The following RAD51B variants were observed in gnomAD, a reference collection of about 807,000 sequenced individuals.
The protein encoded by RAD51B is DNA repair protein RAD51 homolog 2.
In RAD51B, 38 loss-of-function variants were observed where a neutral mutation model predicts 42.2. The observed-to-expected ratio is 0.90, with a 90% CI of 0.70 to 1.18. RAD51B has a LOEUF of 1.18. Among genes scored for constraint, RAD51B ranks in the 50% most tolerant of loss-of-function variants. The pLI is 0.00. For missense variants in RAD51B, 373 were observed against 400.7 expected (o/e 0.93, Z 0.59); for synonymous variants, 154 against 145.2 (o/e 1.06, Z -0.43).
intron 4 of RAD51B, among the ~76,000 whole-genome samples, chr14:67,857,143 C>T (rs2139964540): frequency 6.6e-6 from 1 of 151,920 alleles, no homozygotes; most frequent in Non-Finnish European, 1.5e-5. Flanking sequence ...TTTTCACCCA[C>T]TAAATAAACC....
chr14:68,153,290 T>C (rs934770346), intron 7 of RAD51B, among the ~76,000 whole-genome samples: 4 of 152,190 alleles, frequency 2.6e-5, no homozygotes, highest in African/African-American at 9.7e-5. Context: ...ATTTTGATAA[T>C]AAGAAATAAA....
chr14:68,385,830 ACTACT>A (rs2083583292), intron 8 of RAD51B, among the ~76,000 whole-genome samples: 2 of 152,234 alleles, frequency 1.3e-5, no homozygotes, highest in Admixed American at 1.3e-4. Flanking sequence ...GTTGTCAGAC[ACTACT>A]CTAGGCATTT....
At chr14:67,896,450 GATC>G (rs1298595464) in intron 7 of RAD51B, among the ~76,000 whole-genome samples, 1 of 152,168 alleles carries the variant, frequency 6.6e-6, no homozygotes, top group Non-Finnish European at 1.5e-5. Flanking sequence ...GAAGAGCTGT[GATC>G]ATCAAGGTGG....
In RAD51B at chr14:68,044,837, C is replaced by T. The variant is rs541963056; in HGVS notation, c.756+157633C>T. Among the ~76,000 whole-genome samples the T allele has an allele frequency of 1.2e-4, 18 of 152,116 alleles. No homozygotes were observed. In the South Asian group the frequency reaches 3.3e-3, roughly 28 times the overall value. ...CCAATGAGAACATTGTCACATTTTA[C>T]ATTTTGCTTGTTACTGAACTGTAAT... On this transcript the variant is annotated intron_variant, in intron 7 of 10. Coordinates refer to ENST00000471583, the MANE Select transcript of RAD51B (RefSeq NM_133510.4).
chr14:68,198,313 C>T (rs989146875), intron 7 of RAD51B, among the ~76,000 whole-genome samples: 9 of 152,150 alleles, frequency 5.9e-5, no homozygotes, highest in African/African-American at 1.9e-4. Context: ...GCTATCTTTA[C>T]ACCACTCCTA....
chr14:68,530,697 A>T (rs1184325825), intron 10 of RAD51B, among the ~76,000 whole-genome samples: 2 of 152,020 alleles, frequency 1.3e-5, no homozygotes, highest in African/African-American at 2.4e-5. Context: ...CAGTTTTAGG[A>T]TTTTTTTAAA....
chr14:68,256,717 C>G (rs898094171), intron 7 of RAD51B, among the ~76,000 whole-genome samples: 2 of 152,154 alleles, frequency 1.3e-5, no homozygotes, highest in Non-Finnish European at 2.9e-5. Flanking sequence ...ACCTCCTTCC[C>G]GAGCCTTTCC....
chr14:68,362,953 TG>T (rs940199948), intron 8 of RAD51B, among the ~76,000 whole-genome samples: 1 of 152,236 alleles, frequency 6.6e-6, no homozygotes, highest in African/African-American at 2.4e-5. Flanking sequence ...CAAATGCCTC[TG>T]GGGTTCTTGC....
chr14:68,537,263 C>T (rs1308316011), intron 10 of RAD51B, among the ~76,000 whole-genome samples: 2 of 152,144 alleles, frequency 1.3e-5, no homozygotes, highest in Non-Finnish European at 2.9e-5. Context: ...TTTTGGGAGG[C>T]CGAGGCGGGC....
chr14:68,134,481 G>T (rs1397855764), intron 7 of RAD51B, among the ~76,000 whole-genome samples: 1 of 152,116 alleles, frequency 6.6e-6, no homozygotes. Context: ...ATCCTGGGTT[G>T]TATAGTAAAT....
Position 68,563,394 on chromosome 14 carries a change from G to GC in RAD51B, c.1037-31085dup, listed in dbSNP as rs559491659. The GC allele has an allele frequency of 7.7e-5, 76 of 985,262 alleles. 1 individual carries two copies. The East Asian group carries it at 2.7e-3, about 35-fold the overall frequency. 61.0% of individuals were successfully genotyped at this position (985,262 alleles called of 1,614,324 possible). ...GCGAGCTGGGTTTTTCTTTCTTCCC[G>GC]CCCCCCAAGTCCAGAGCCCAGTTAT... On this transcript the variant is annotated intron_variant, in intron 10 of 10. Transcript: ENST00000487270.
chr14:68,327,727 TAA>T (rs34100794), intron 8 of RAD51B, among the ~76,000 whole-genome samples: 1 of 151,662 alleles, frequency 6.6e-6, no homozygotes, highest in African/African-American at 2.4e-5. Flanking sequence ...AAGGTATTAT[TAA>T]AAAAAAGTAT....
chr14:68,185,390 A>G (rs1468529947), intron 7 of RAD51B, among the ~76,000 whole-genome samples: 2 of 152,234 alleles, frequency 1.3e-5, no homozygotes, highest in Non-Finnish European at 2.9e-5. Flanking sequence ...TTCCTGCAAG[A>G]GGAAGGAATT....
At chr14:68,368,245 A>T (rs1331916209) in intron 8 of RAD51B, among the ~76,000 whole-genome samples, 1 of 152,184 alleles carries the variant, frequency 6.6e-6, no homozygotes, top group African/African-American at 2.4e-5. Context: ...CAGGTGTTTT[A>T]CCTACATTTT....
At chr14:68,484,362 T>TTTC (rs1555417126) in intron 10 of RAD51B, among the ~76,000 whole-genome samples, 4 of 147,758 alleles carry the variant, frequency 2.7e-5, no homozygotes, top group African/African-American at 7.6e-5. Flanking sequence ...TCTTTTTCTT[T>TTTC]TTTTTTTTTT....
chr14:68,086,172 A>C (rs1002689003), intron 7 of RAD51B, among the ~76,000 whole-genome samples: 24 of 151,926 alleles, frequency 1.6e-4, no homozygotes, highest in African/African-American at 5.1e-4. Context: ...CCAGAAGGGG[A>C]ATGGAGTGGG....
chr14:68,355,048 GACCGTGATGC>G (rs1305556624), intron 8 of RAD51B, among the ~76,000 whole-genome samples: 1 of 152,290 alleles, frequency 6.6e-6, no homozygotes, highest in East Asian at 1.9e-4. Flanking sequence ...CTGTAGAGGG[GACCGTGATGC>G]ACAGTAAAAA....
At chr14:67,964,058 T>C (rs887057126) in intron 7 of RAD51B, among the ~76,000 whole-genome samples, 5 of 151,844 alleles carry the variant, frequency 3.3e-5, no homozygotes, top group African/African-American at 1.2e-4. Flanking sequence ...TATGCTGTTC[T>C]TTTCCCTACA....
At position 68,094,910 on chromosome 14, in the gene RAD51B, T is replaced by C. The variant is rs1319010049; in HGVS notation, c.757-196974T>C. Among the ~76,000 whole-genome samples, 11 of 152,332 alleles carry C rather than the reference T, an allele frequency of 7.2e-5. No individual in the cohort carries two copies. In the South Asian group the frequency reaches 2.1e-3, roughly 29 times the overall value. ...TGCCTTCTTAGCTTTTAAAGTATTT[T>C]GTGATACACAGGAATTTATGTTTTT... On this transcript the variant is annotated intron_variant, in intron 7 of 10. Transcript: ENST00000471583.
Sources: gnomAD v4.1 joint callset for allele counts (sites outside exome capture counted in the v4.1 genomes callset) on GRCh38, gnomAD v4.1.1 for gene constraint, MANE v1.5 for transcripts, NCBI Gene and HGNC (gene_info 2026-07-23, HGNC 2026-07-21) for gene names.